REDIC1: variants seen among roughly 807,000 people sequenced by gnomAD.
REDIC1 encodes regulator of DNA class I crossover intermediates 1, also known as HEI10 Interacting Protein 1.
At chr12:39,829,392 C>CTTTTTTTTTTTTTTTTTT in the REDIC1 span, 25 of 65,798 alleles carry the variant, frequency 3.8e-4, 6 homozygotes, top group South Asian at 1.2e-3. Flanking sequence ...GATAGTAATT[C>CTTTTTTTTTTTTTTTTTT]TTTTTTTTTT....
At chr12:39,716,084 G>A in the REDIC1 span, among the ~76,000 whole-genome samples, 1 of 151,848 alleles carries the variant, frequency 6.6e-6, no homozygotes, top group Non-Finnish European at 1.5e-5. Context: ...GCATATAGTA[G>A]GGCATGTGAT....
At chr12:39,851,101 T>C in the REDIC1 span, among the ~76,000 whole-genome samples, 1 of 152,092 alleles carries the variant, frequency 6.6e-6, no homozygotes, top group East Asian at 1.9e-4. Context: ...GGTTTCACTA[T>C]GTTGGCCAGG....
chr12:39,811,152 T>C, the REDIC1 span, among the ~76,000 whole-genome samples: 1 of 152,112 alleles, frequency 6.6e-6, no homozygotes, highest in Admixed American at 6.6e-5. Context: ...CTCCATTTAT[T>C]AGAAGTGCTC....
the REDIC1 span, among the ~76,000 whole-genome samples, chr12:39,810,982 A>G: frequency 6.6e-6 from 1 of 152,206 alleles, no homozygotes; most frequent in South Asian, 2.1e-4. Context: ...CCTTTTCTGA[A>G]AGAGTTTATA....
chr12:39,788,947 C>CTG, the REDIC1 span, among the ~76,000 whole-genome samples: 1 of 151,984 alleles, frequency 6.6e-6, no homozygotes, highest in East Asian at 1.9e-4. Context: ...TAAAAATCTA[C>CTG]TGTGTGTGTG....
chr12:39,742,729 G>T, the REDIC1 span, among the ~76,000 whole-genome samples: 2 of 152,110 alleles, frequency 1.3e-5, no homozygotes, highest in African/African-American at 2.4e-5. Context: ...TCAGTTTCTG[G>T]TCTAGCAGGT....
At chr12:39,727,367 A>G in the REDIC1 span, among the ~76,000 whole-genome samples, 17 of 152,278 alleles carry the variant, frequency 1.1e-4, no homozygotes, top group Non-Finnish European at 7.4e-5. Context: ...TTTTCTGCAT[A>G]TGGCTAGCCA....
the REDIC1 span, among the ~76,000 whole-genome samples, chr12:39,713,677 G>A: frequency 1.4e-5 from 2 of 144,300 alleles, no homozygotes; most frequent in Middle Eastern, 3.6e-3. Context: ...ACATATGTAT[G>A]TATGCCTGTA....
chr12:39,838,406 G>T, the REDIC1 span, among the ~76,000 whole-genome samples: 2 of 147,420 alleles, frequency 1.4e-5, no homozygotes, highest in Non-Finnish European at 3.0e-5. Flanking sequence ...ACGAGTTAGT[G>T]GGTGCAGCGC....
the REDIC1 span, among the ~76,000 whole-genome samples, chr12:39,700,133 A>G: frequency 6.6e-6 from 1 of 152,180 alleles, no homozygotes; most frequent in Non-Finnish European, 1.5e-5. Flanking sequence ...AGACAATCAA[A>G]TTACTCCGAG....
At chr12:39,868,234 C>G in the REDIC1 span, among the ~76,000 whole-genome samples, 1 of 152,122 alleles carries the variant, frequency 6.6e-6, no homozygotes, top group Non-Finnish European at 1.5e-5. Context: ...AGAAGAGTCT[C>G]TCTTAACCAA....
the REDIC1 span, among the ~76,000 whole-genome samples, chr12:39,787,522 C>T: frequency 1.3e-5 from 2 of 152,138 alleles, no homozygotes; most frequent in South Asian, 2.1e-4. Flanking sequence ...ATTTATTTAT[C>T]CCAGGCATAC....
the REDIC1 span, among the ~76,000 whole-genome samples, chr12:39,717,768 C>G: frequency 6.6e-6 from 1 of 152,052 alleles, no homozygotes; most frequent in African/African-American, 2.4e-5. Flanking sequence ...CAAAAGAGGT[C>G]TTGAGTAATC....
At chr12:39,635,823 T>C in the REDIC1 span, among the ~76,000 whole-genome samples, 2 of 151,976 alleles carry the variant, frequency 1.3e-5, no homozygotes, top group East Asian at 3.9e-4. Context: ...GATGTAGAGG[T>C]TTTATGGTAT....
the REDIC1 span, among the ~76,000 whole-genome samples, chr12:39,796,842 CATGGACATTT>C: frequency 0.012 from 1,833 of 152,224 alleles, 38 homozygotes; most frequent in African/African-American, 0.041. Context: ...ATAATGCTGC[CATGGACATTT>C]ATGCACCTTT....
the REDIC1 span, among the ~76,000 whole-genome samples, chr12:39,846,130 G>A: frequency 6.6e-6 from 1 of 152,194 alleles, no homozygotes; most frequent in East Asian, 1.9e-4. Context: ...ATTCATCTTA[G>A]AATATTCAAC....
chr12:39,812,043 A>G, the REDIC1 span, among the ~76,000 whole-genome samples: 1,740 of 152,332 alleles, frequency 0.011, 37 homozygotes, highest in African/African-American at 0.039. Flanking sequence ...TTAAGCTGCT[A>G]TAACAGAATA....
chr12:39,713,118 G>T, the REDIC1 span, among the ~76,000 whole-genome samples: 120 of 147,898 alleles, frequency 8.1e-4, 4 homozygotes, highest in Non-Finnish European at 1.8e-4. Context: ...TATATATGTA[G>T]ATATGTGCAT....
the REDIC1 span, among the ~76,000 whole-genome samples, chr12:39,882,425 T>C: frequency 1.3e-5 from 2 of 152,366 alleles, no homozygotes; most frequent in East Asian, 3.9e-4. Context: ...GTTATACTTA[T>C]GTCATAAATT....
Sources: allele counts gnomAD v4.1 joint callset (sites outside exome capture counted in the v4.1 genomes callset), GRCh38; gene constraint gnomAD v4.1.1; transcripts MANE v1.5; gene names NCBI Gene and HGNC (gene_info 2026-07-23, HGNC 2026-07-21).